The following ESCO2 variants were observed in gnomAD, a reference collection of about 807,000 sequenced individuals.
ESCO2 encodes N-acetyltransferase ESCO2.
ESCO2 carries 51 observed loss-of-function variants against 61.7 expected under a neutral mutation model. The observed-to-expected ratio is 0.83, with a 90% CI of 0.66 to 1.04. The LOEUF is 1.04. Among genes scored for constraint, ESCO2 ranks in the 50% least tolerant of loss-of-function variants. The pLI is 0.00. For synonymous variants in ESCO2, 230 were observed against 238.2 expected, an observed-to-expected ratio of 0.97 and a Z score of 0.32; for missense variants, 692 against 686.2, an observed-to-expected ratio of 1.01 and a Z score of -0.09.
chr8:27,790,930 T>C (rs1349457899), intron 7 of ESCO2, among the ~76,000 whole-genome samples: 3 of 152,218 alleles, frequency 2.0e-5, no homozygotes, highest in Non-Finnish European at 4.4e-5. Context: ...CTTCATACTG[T>C]ATAGTTAGGT....
chr8:27,772,376 G>A, upstream of ESCO2: 1 of 793,412 alleles, frequency 1.3e-6, no homozygotes, highest in Non-Finnish European at 2.1e-6. Context: ...TGTGCTGGGG[G>A]ACCGAGAGGC....
rs755441204 is a variant in ESCO2 at position 27,777,053 on chromosome 8, G to T, written c.745G>T (p.Val249Phe). 76 of 1,608,180 alleles carry T rather than the reference G, an allele frequency of 4.7e-5. No homozygotes were observed. Among genetic ancestry groups the T allele is most frequent in the Non-Finnish European group, 5.9e-5 (69 of 1,178,728 alleles). Residue 249 changes from valine to phenylalanine, a missense_variant, in exon 3 of 11, where the codon GTC becomes TTC. Val to Phe is a conservative substitution (Grantham distance 50). Transcript: ENST00000305188. ...CATTGAAGATTCTGATGTAGAGACT[G>T]TCAGTGAAAAAAAAACTTTTGCGAC... ...EVIEDSDVET[V>F]SEKKTFATRQ...
chr8:27,794,251 T>C (rs145485869), intron 9 of ESCO2, among the ~76,000 whole-genome samples: 12 of 152,350 alleles, frequency 7.9e-5, no homozygotes, highest in South Asian at 2.1e-4. Flanking sequence ...GGATATACAC[T>C]CAGAAGTGGG....
downstream of ESCO2, chr8:27,805,339 G>A (rs1285232383): frequency 6.9e-6 from 1 of 144,592 alleles, no homozygotes; most frequent in African/African-American, 2.6e-5. Context: ...CCTTAATCCT[G>A]CTTTGAGTTT....
At position 27,775,587 on chromosome 8, in the gene ESCO2, T is replaced by C; in HGVS notation, c.53+20T>C. 2.5e-6 allele frequency: 4 copies of C among 1,613,216 alleles called. No homozygotes were observed. Among genetic ancestry groups the C allele is most frequent in the Non-Finnish European group, 3.4e-6 (4 of 1,179,168 alleles). ...TGACAGGTGAATCTCAGCCTGTGAA[T>C]AGAAACTCTTAGAAAAATCCACCTT... is the stretch of plus-strand genomic sequence containing the variant. On this transcript the variant is annotated intron_variant, in intron 2 of 10. Transcript: ENST00000305188.
intron 10 of ESCO2, among the ~76,000 whole-genome samples, chr8:27,802,656 T>TATAATATA (rs1491490850): frequency 1.6e-5 from 1 of 63,568 alleles, no homozygotes; most frequent in African/African-American, 6.9e-5. Context: ...TATATATATA[T>TATAATATA]TATATATATA....
downstream of ESCO2, among the ~76,000 whole-genome samples, chr8:27,806,094 A>G (rs1805556829): frequency 2.6e-5 from 4 of 152,184 alleles, no homozygotes; most frequent in East Asian, 1.9e-4. Context: ...TACCAAAAAT[A>G]TTGCATGGAA....
At chr8:27,800,185 TAA>T (rs1805393384) in intron 10 of ESCO2, among the ~76,000 whole-genome samples, 3 of 152,104 alleles carry the variant, frequency 2.0e-5, no homozygotes, top group African/African-American at 7.2e-5. Context: ...TAAGCATAAC[TAA>T]AAAAGTGGAT....
chr8:27,791,496 G>C lies in ESCO2; in HGVS notation c.1264-467G>C, dbSNP rs114044064. 1.3e-3 allele frequency among the ~76,000 whole-genome samples: 192 copies of C among 152,288 alleles called. 1 individual carries two copies. The highest frequency in any genetic ancestry group is 4.2e-3 in the African/African-American group (174 of 41,558). On this transcript the variant is annotated intron_variant, in intron 7 of 10. Coordinates refer to ENST00000305188, the MANE Select transcript of ESCO2 (RefSeq NM_001017420.3). ...GGGCCACATGCCAAAGCACTATGCT[G>C]GGGGTTGAGATTAAAATAGTTGTAA...
chr8:27,772,679 A>T (rs895979289), upstream of ESCO2: 20 of 770,130 alleles, frequency 2.6e-5, no homozygotes, highest in Non-Finnish European at 3.7e-5. Flanking sequence ...GCGCGTCATA[A>T]CGCCGGCCGT....
the ESCO2 span, among the ~76,000 whole-genome samples, chr8:27,818,856 T>A: frequency 6.6e-6 from 1 of 152,188 alleles, no homozygotes; most frequent in Non-Finnish European, 1.5e-5. Context: ...CAATTTTTTC[T>A]ACTGTTACTT....
chr8:27,799,506 G>A, intron 9 of ESCO2, 35 bp from the exon 10 acceptor site: 1 of 1,610,902 alleles, frequency 6.2e-7, no homozygotes, highest in Non-Finnish European at 8.5e-7. Flanking sequence ...CTCATCTGTG[G>A]TGTTAGCTAT....
At chr8:27,817,156 C>T (rs2128962463), downstream of ESCO2, among the ~76,000 whole-genome samples, 1 of 152,250 alleles carries the variant, frequency 6.6e-6, no homozygotes, top group South Asian at 2.1e-4. Flanking sequence ...GAGCTGCCAA[C>T]ACATTTCCCA....
At chr8:27,792,110 T>C in intron 8 of ESCO2, 58 bp downstream of exon 8, 2 of 1,543,828 alleles carry the variant, frequency 1.3e-6, no homozygotes, top group South Asian at 2.2e-5. Context: ...AATCAACCTA[T>C]GTTGAAGTGC....
chr8:27,804,264 T>C lies in ESCO2; in HGVS notation c.*826T>C. 1 of 985,024 alleles carries C rather than the reference T, an allele frequency of 1.0e-6. No homozygotes were observed. The highest frequency in any genetic ancestry group is 1.2e-6 in the Non-Finnish European group (1 of 829,554). 61.0% of individuals were successfully genotyped at this position (985,024 alleles called of 1,614,324 possible). A position where few individuals can be genotyped will look rare whatever the true frequency, so the allele number is the denominator to read the frequency against. Reference sequence around the variant, plus strand: ...AAAATTATACTTAGTAATTGCACTATTACTTAGTTAATTTTTGTTGTATGG... The same window carrying C: ...AAAATTATACTTAGTAATTGCACTACTACTTAGTTAATTTTTGTTGTATGG... On this transcript the variant is annotated 3_prime_UTR_variant, in exon 11 of 11. Transcript: ENST00000305188.
upstream of ESCO2, chr8:27,772,576 C>A: frequency 6.5e-7 from 1 of 1,544,090 alleles, no homozygotes; most frequent in Non-Finnish European, 8.8e-7. Flanking sequence ...CACCGCGGAG[C>A]AGCAGCGCTC....
intron 5 of ESCO2, among the ~76,000 whole-genome samples, chr8:27,784,610 G>C (rs1804996660): frequency 1.3e-5 from 2 of 152,288 alleles, no homozygotes; most frequent in African/African-American, 4.8e-5. Flanking sequence ...GGAGGAGTAA[G>C]TAACTTGCAG....
downstream of ESCO2, among the ~76,000 whole-genome samples, chr8:27,816,353 ATATATTTATT>A (rs1347503380): frequency 1.4e-5 from 2 of 141,660 alleles, no homozygotes; most frequent in African/African-American, 5.4e-5. Context: ...CTATATATAT[ATATATTTATT>A]TATTTATTTA....
At chr8:27,782,565 CTT>C (rs1384084717) in intron 4 of ESCO2, among the ~76,000 whole-genome samples, 3 of 152,094 alleles carry the variant, frequency 2.0e-5, no homozygotes, top group Non-Finnish European at 2.9e-5. Flanking sequence ...TGAGATGAAT[CTT>C]ATCTAATTCA....
Sources: allele counts gnomAD v4.1 joint callset (sites outside exome capture counted in the v4.1 genomes callset), GRCh38; gene constraint gnomAD v4.1.1; transcripts MANE v1.5; gene names NCBI Gene and HGNC (gene_info 2026-07-23, HGNC 2026-07-21).